The following BGN variants were observed in gnomAD, a reference collection of about 807,000 sequenced individuals.
BGN encodes the protein biglycan.
A neutral mutation model predicts 20.0 loss-of-function variants in BGN; 6 were observed. The ratio of observed to expected loss-of-function variants is 0.30; its 90% confidence interval spans 0.16 to 0.59. The LOEUF (loss-of-function observed/expected upper bound fraction) is 0.59, where lower values mean the gene tolerates loss of function less well. BGN is among the 20% of genes least tolerant of loss of function. The pLI is 0.88. For missense variants in BGN, 292 were observed against 312.1 expected, an observed-to-expected ratio of 0.94 and a Z score of 0.49; for synonymous variants, 146 against 134.6, an observed-to-expected ratio of 1.08 and a Z score of -0.59.
At chrX:153,501,204 GTA>G (rs2089758811) in intron 1 of BGN, among the ~76,000 whole-genome samples, 1 of 112,655 alleles carries the variant, frequency 8.9e-6, no homozygotes, top group Non-Finnish European at 1.9e-5. Context: ...GTTTGTGTGT[GTA>G]TGTGTGTACG....
chrX:153,505,108 A>G lies in BGN; in HGVS notation c.239-130A>G. On this transcript the variant is annotated intron_variant, in intron 2 of 7. Transcript: ENST00000331595. ...CCCGGTCCTCCCTACCAGTGGGGCT[A>G]GTCGGCTGGATGGCTCCAAGTTCAT... 1.9e-5 allele frequency: 11 copies of G among 587,698 alleles called. No individual in the cohort carries two copies. In the South Asian group the frequency reaches 3.1e-4, roughly 17 times the overall value. The allele number at this position is 587,698 out of a possible 1,213,427, so 48.4% of individuals were successfully genotyped here. A position where few individuals can be genotyped will look rare whatever the true frequency, so the allele number is the denominator to read the frequency against.
intron 1 of BGN, among the ~76,000 whole-genome samples, chrX:153,498,436 C>T (rs2089734068): frequency 1.8e-5 from 2 of 112,606 alleles, no homozygotes; most frequent in Admixed American, 9.3e-5. Flanking sequence ...CCTGCTTGGC[C>T]TTGACTGCCA....
intron 1 of BGN, among the ~76,000 whole-genome samples, chrX:153,501,157 T>C (rs190154883): frequency 0.03 from 3,400 of 112,020 alleles, 128 homozygotes; most frequent in African/African-American, 0.11. Context: ...TGTGCACGTG[T>C]GTGTATGTGA....
chrX:153,501,373 A>G (rs1556991864), intron 1 of BGN, among the ~76,000 whole-genome samples: 1 of 113,041 alleles, frequency 8.8e-6, no homozygotes, highest in South Asian at 3.6e-4. Context: ...TCACAGGCCC[A>G]GAGACATGGC....
rs2089804522 is a variant in BGN at position 153,506,880 on chromosome X, G to A, written c.727G>A (p.Ala243Thr). 1 of 1,211,504 alleles carries A rather than the reference G, an allele frequency of 8.3e-7. No homozygotes were observed. Among genetic ancestry groups the A allele is most frequent in the Non-Finnish European group, 1.1e-6 (1 of 895,394 alleles). Residue 243 changes from alanine (A) to threonine (T), a missense_variant, in exon 6 of 8, where the codon GCC becomes ACC. Ala to Thr is a moderately conservative substitution (Grantham distance 58). Coordinates refer to ENST00000331595, the MANE Select transcript of BGN (RefSeq NM_001711.6). ...ELHLDHNKIQ[A>T]IELEDLLRYS... ...CCACCTAGACCACAACAAAATCCAG[G>A]CCATCGAACTGGAGGACCTGCTTCG...
In BGN at chrX:153,504,739, G is replaced by C. The variant is rs782535972; in HGVS notation, c.108G>C (p.Met36Ile). Residue 36 changes from methionine to isoleucine, a missense_variant, in exon 2 of 8, where the codon ATG becomes ATC. Coordinates refer to ENST00000331595, the MANE Select transcript of BGN (RefSeq NM_001711.6). The part of the protein sequence containing the change: ...DFTLDDGPFM[M>I]NDEEASGADT... ...CCCTGGACGATGGGCCATTCATGAT[G>C]AACGATGAGGAAGCTTCGGGCGCTG... 7 of 1,211,728 alleles carry C rather than the reference G, an allele frequency of 5.8e-6. No homozygotes were observed. In the South Asian group the frequency reaches 7.0e-5, roughly 12 times the overall value.
Position 153,506,892 on chromosome X carries a change from G to A in BGN, c.739G>A (p.Glu247Lys), listed in dbSNP as rs782401746. 2.5e-6 allele frequency: 3 copies of A among 1,210,067 alleles called. No homozygotes were observed. Among genetic ancestry groups the A allele is most frequent in the Admixed American group, 2.2e-5 (1 of 45,885 alleles). ...DHNKIQAIEL[E>K]DLLRYSKLYR... is the part of the protein sequence containing the mutation. The stretch of plus-strand genomic sequence containing the variant: ...CAACAAAATCCAGGCCATCGAACTG[G>A]AGGACCTGCTTCGCTACTCCAAGCT... Residue 247 changes from glutamate to lysine, a missense_variant, in exon 6 of 8, where the codon GAG becomes AAG. Glu to Lys is a moderately conservative substitution (Grantham distance 56). Transcript: ENST00000331595.
Position 153,507,193 on chromosome X carries a change from C to T in BGN, c.909+8C>T. 2.5e-6 allele frequency: 3 copies of T among 1,191,737 alleles called. No individual in the cohort carries two copies. The highest frequency in any genetic ancestry group is 3.4e-6 in the Non-Finnish European group (3 of 884,302). On this transcript the variant is annotated splice_region_variant and intron_variant, in intron 7 of 7. Coordinates refer to ENST00000331595, the MANE Select transcript of BGN (RefSeq NM_001711.6). Reference sequence around the variant, plus strand: ...GACCTCAAGCTCCTCCAGGTGAGAGCTGGGCATGCACAGCCAGGTTCCCTA... The same window carrying T: ...GACCTCAAGCTCCTCCAGGTGAGAGTTGGGCATGCACAGCCAGGTTCCCTA...
intron 7 of BGN, among the ~76,000 whole-genome samples, chrX:153,507,595 G>T (rs919191390): frequency 2.6e-5 from 3 of 113,305 alleles, no homozygotes; most frequent in Non-Finnish European, 5.6e-5. Context: ...CCCGCAACCA[G>T]GTGGGTGATC....
rs368228267 is a variant in BGN at position 153,504,658 on chromosome X, T to C, written c.27T>C (p.Ser9=). 5.8e-6 allele frequency: 7 copies of C among 1,207,093 alleles called. No homozygotes were observed. The highest frequency in any genetic ancestry group is 6.7e-6 in the Non-Finnish European group (6 of 892,675). MWPLWRLV[S]LLALSQALPF... ...TGTGGCCCCTGTGGCGCCTCGTGTCTCTGCTGGCCCTGAGCCAGGCCCTGC... is the reference window on the plus strand; with the variant it reads ...TGTGGCCCCTGTGGCGCCTCGTGTCCCTGCTGGCCCTGAGCCAGGCCCTGC... The change falls in exon 2 of 8, where the codon TCT becomes TCC. Residue 9 remains serine, a synonymous_variant. Transcript: ENST00000331595.
chrX:153,504,714 C>T lies in BGN; in HGVS notation c.83C>T (p.Thr28Ile). 1 of 1,211,936 alleles carries T rather than the reference C, an allele frequency of 8.3e-7. No individual in the cohort carries two copies. Among genetic ancestry groups the T allele is most frequent in the Non-Finnish European group, 1.1e-6 (1 of 895,524 alleles). Residue 28 changes from threonine to isoleucine, a missense_variant, in exon 2 of 8, where the codon ACC becomes ATC. Thr to Ile is a moderately conservative substitution (Grantham distance 89). Coordinates refer to ENST00000331595, the MANE Select transcript of BGN (RefSeq NM_001711.6). ...GAGCAGAGAGGCTTCTGGGACTTCA[C>T]CCTGGACGATGGGCCATTCATGATG... is the stretch of plus-strand genomic sequence containing the variant. ...PFEQRGFWDF[T>I]LDDGPFMMND...
chrX:153,505,342 C>T lies in BGN; in HGVS notation c.343C>T (p.His115Tyr). 3 of 1,205,878 alleles carry T rather than the reference C, an allele frequency of 2.5e-6. No individual in the cohort carries two copies. The South Asian group carries it at 5.3e-5, about 21-fold the overall frequency. The change falls in exon 3 of 8, where the codon CAC becomes TAC. Residue 115 changes from histidine (H) to tyrosine (Y), a missense_variant. His to Tyr is a moderately conservative substitution (Grantham distance 83). Coordinates refer to ENST00000331595, the MANE Select transcript of BGN (RefSeq NM_001711.6). ...LRKDDFKGLQHLYALVLVNNK... is the reference protein window; with the variant it reads ...LRKDDFKGLQYLYALVLVNNK... ...CAAGGATGACTTCAAGGGTCTCCAG[C>T]ACCTCTACGTAAGGAGCTGGGAGGA... is the stretch of plus-strand genomic sequence containing the variant.
intron 1 of BGN, among the ~76,000 whole-genome samples, chrX:153,500,282 C>T (rs1288268018): frequency 8.8e-6 from 1 of 113,021 alleles, no homozygotes; most frequent in Non-Finnish European, 1.9e-5. Flanking sequence ...CCCTCACTCA[C>T]ACCTGCGGTC....
chrX:153,503,307 G>C (rs2045876702), intron 1 of BGN, among the ~76,000 whole-genome samples: 1 of 112,314 alleles, frequency 8.9e-6, no homozygotes. Context: ...ACCTCGCTCT[G>C]CTGGAGCCCC....
At chrX:153,504,322 T>G (rs1417283680) in intron 1 of BGN, among the ~76,000 whole-genome samples, 1 of 112,322 alleles carries the variant, frequency 8.9e-6, no homozygotes, top group Non-Finnish European at 1.9e-5. Context: ...GCAGACTTGC[T>G]GATGAGGAGA....
At position 153,508,340 on chromosome X, in the gene BGN, C is replaced by T. The variant is rs144319955; in HGVS notation, c.1002C>T (p.Gly334=). 64 of 1,211,056 alleles carry T rather than the reference C, an allele frequency of 5.3e-5. No homozygotes were observed. In the African/African-American group the frequency reaches 1.1e-3, roughly 20 times the overall value. ...GFGVKRAYYN[G]ISLFNNPVPY... Reference sequence around the variant, plus strand: ...GGGTGAAGCGGGCCTACTACAACGGCATCAGCCTCTTCAACAACCCCGTGC... The same window carrying T: ...GGGTGAAGCGGGCCTACTACAACGGTATCAGCCTCTTCAACAACCCCGTGC... The change falls in exon 8 of 8, where the codon GGC becomes GGT. Residue 334 remains glycine (G), a synonymous_variant. Transcript: ENST00000331595.
intron 5 of BGN, 50 bp downstream of exon 5, chrX:153,506,689 A>C: frequency 8.6e-7 from 1 of 1,168,550 alleles, no homozygotes; most frequent in South Asian, 1.8e-5. Context: ...CCCCAACAGC[A>C]CAGATGGCCA....
In BGN at chrX:153,508,677, G is replaced by A. The variant is rs1482084821; in HGVS notation, c.*232G>A. ...CCCATCACATGTTCCCTTGGCCTCA[G>A]AGCTGCCCCTGCTCTCCCACCACAG... On this transcript the variant is annotated 3_prime_UTR_variant, in exon 8 of 8. Transcript: ENST00000331595. 26 of 437,435 alleles carry A rather than the reference G, an allele frequency of 5.9e-5. No individual in the cohort carries two copies. Among genetic ancestry groups the A allele is most frequent in the Middle Eastern group, 1.3e-3 (2 of 1,585 alleles). The allele number at this position is 437,435 out of a possible 1,213,427, so 36.0% of individuals were successfully genotyped here.
Position 153,499,912 on chromosome X carries a change from C to T in BGN, c.-11-4709C>T, listed in dbSNP as rs782622268. Reference sequence around the variant, plus strand: ...AGGAAGGACACAGTCCCGGGGACCCCGCAGGGCTGCGTGGAAGGTGGCACA... The same window carrying T: ...AGGAAGGACACAGTCCCGGGGACCCTGCAGGGCTGCGTGGAAGGTGGCACA... On this transcript the variant is annotated intron_variant, in intron 1 of 7. Transcript: ENST00000331595. 3.3e-4 allele frequency among the ~76,000 whole-genome samples: 37 copies of T among 113,013 alleles called. 1 individual carries two copies. In the East Asian group the frequency reaches 9.4e-3, roughly 29 times the overall value.
Sources: allele counts gnomAD v4.1 joint callset (sites outside exome capture counted in the v4.1 genomes callset), GRCh38; gene constraint gnomAD v4.1.1; transcripts MANE v1.5; gene names NCBI Gene and HGNC (gene_info 2026-07-23, HGNC 2026-07-21).